MOSMO: variants seen among roughly 807,000 people sequenced by gnomAD.
MOSMO encodes modulator of smoothened protein.
Under a neutral mutation model 18.4 loss-of-function variants are expected in MOSMO, and 5 were observed. The observed-to-expected ratio is 0.27, with a 90% CI of 0.14 to 0.57. MOSMO has a LOEUF of 0.57. Ranked by LOEUF, MOSMO falls within the 20% of genes least tolerant of loss-of-function variation. The pLI is 0.92. For missense variants in MOSMO, 138 were observed against 211.8 expected, an observed-to-expected ratio of 0.65 and a Z score of 2.16; for synonymous variants, 82 against 82.3, an observed-to-expected ratio of 1.00 and a Z score of 0.02.
intron 1 of MOSMO, among the ~76,000 whole-genome samples, chr16:22,016,772 T>C (rs1899647274): frequency 6.6e-6 from 1 of 152,192 alleles, no homozygotes; most frequent in Non-Finnish European, 1.5e-5. Context: ...GAAAATTATA[T>C]CATTCAGACC....
chr16:22,030,913 A>G (rs969235786), intron 1 of MOSMO, among the ~76,000 whole-genome samples: 1 of 152,166 alleles, frequency 6.6e-6, no homozygotes, highest in Non-Finnish European at 1.5e-5. Context: ...AGTTTATCCC[A>G]TTTTTTGAAA....
At chr16:22,033,918 G>A (rs1900049480) in intron 1 of MOSMO, among the ~76,000 whole-genome samples, 1 of 152,130 alleles carries the variant, frequency 6.6e-6, no homozygotes, top group Admixed American at 6.5e-5. Flanking sequence ...ATAAAGTGTT[G>A]AATATCTCTT....
At chr16:22,039,829 C>A (rs1020340091) in intron 1 of MOSMO, among the ~76,000 whole-genome samples, 1 of 152,220 alleles carries the variant, frequency 6.6e-6, no homozygotes, top group South Asian at 2.1e-4. Flanking sequence ...CTCCCTCCTC[C>A]TATCTAATGC....
intron 1 of MOSMO, among the ~76,000 whole-genome samples, chr16:22,039,260 T>G (rs560233289): frequency 3.3e-5 from 5 of 152,220 alleles, no homozygotes; most frequent in African/African-American, 7.2e-5. Context: ...TAGCAGTTTT[T>G]AACATTATTT....
intron 1 of MOSMO, among the ~76,000 whole-genome samples, chr16:22,053,696 A>G (rs979736492): frequency 2.6e-5 from 4 of 152,148 alleles, no homozygotes. Context: ...CCAGCTACTC[A>G]GGAGGCTGAG....
chr16:22,023,517 C>T (rs1899806674), intron 1 of MOSMO, among the ~76,000 whole-genome samples: 1 of 151,984 alleles, frequency 6.6e-6, no homozygotes, highest in Non-Finnish European at 1.5e-5. Context: ...TATTTTTTGC[C>T]TCTGTAAGTT....
chr16:22,049,602 G>A (rs866208875), intron 1 of MOSMO, among the ~76,000 whole-genome samples: 2 of 152,176 alleles, frequency 1.3e-5, no homozygotes, highest in African/African-American at 4.8e-5. Flanking sequence ...ACCCCTTCAT[G>A]TGTATTGCAC....
intron 1 of MOSMO, among the ~76,000 whole-genome samples, chr16:22,008,717 T>G: frequency 7.0e-6 from 1 of 142,040 alleles, no homozygotes; most frequent in Admixed American, 7.0e-5. Context: ...ATGTGAGGGA[T>G]CGCAGAGGAA....
chr16:22,067,729 A>G (rs545829794), intron 1 of MOSMO, among the ~76,000 whole-genome samples: 1 of 152,220 alleles, frequency 6.6e-6, no homozygotes, highest in South Asian at 2.1e-4. Flanking sequence ...ATACAAAAAA[A>G]TTAGCTGGAC....
intron 1 of MOSMO, among the ~76,000 whole-genome samples, chr16:22,035,023 G>C (rs557279354): frequency 1.3e-5 from 2 of 151,896 alleles, no homozygotes; most frequent in Admixed American, 1.3e-4. Context: ...TGTGAGCCAC[G>C]GCGCCTGGCC....
chr16:22,026,215 CTTTT>C (rs1230886620), intron 1 of MOSMO, among the ~76,000 whole-genome samples: 4 of 122,112 alleles, frequency 3.3e-5, no homozygotes, highest in East Asian at 2.3e-4. Context: ...GAATTGCATT[CTTTT>C]TTTTTTTTTT....
At chr16:22,039,031 C>T (rs776380456) in intron 1 of MOSMO, among the ~76,000 whole-genome samples, 3 of 152,342 alleles carry the variant, frequency 2.0e-5, no homozygotes, top group Non-Finnish European at 4.4e-5. Flanking sequence ...CTCTCAGCTT[C>T]AGTTTCCTAA....
At chr16:22,060,457 GA>G (rs1402819647) in intron 1 of MOSMO, among the ~76,000 whole-genome samples, 5 of 152,204 alleles carry the variant, frequency 3.3e-5, no homozygotes, top group Non-Finnish European at 7.3e-5. Flanking sequence ...ACCACAGTAA[GA>G]GACCTCTACA....
intron 1 of MOSMO, among the ~76,000 whole-genome samples, chr16:22,070,110 T>C (rs1370183029): frequency 6.6e-6 from 1 of 152,110 alleles, no homozygotes; most frequent in African/African-American, 2.4e-5. Flanking sequence ...TTCTGAGAAA[T>C]AATAGAGACT....
downstream of MOSMO, among the ~76,000 whole-genome samples, chr16:22,088,310 G>A (rs1567518993): frequency 6.6e-6 from 1 of 152,180 alleles, no homozygotes; most frequent in Non-Finnish European, 1.5e-5. Flanking sequence ...ATGCCCTGTG[G>A]CTTTCTTTTT....
At chr16:22,022,436 T>C (rs1899784984) in intron 1 of MOSMO, among the ~76,000 whole-genome samples, 1 of 152,224 alleles carries the variant, frequency 6.6e-6, no homozygotes, top group Non-Finnish European at 1.5e-5. Flanking sequence ...AATGTTTATA[T>C]GCAGGTGCTG....
chr16:22,025,400 A>G (rs1899855832), intron 1 of MOSMO, among the ~76,000 whole-genome samples: 1 of 152,220 alleles, frequency 6.6e-6, no homozygotes, highest in Admixed American at 6.5e-5. Context: ...AGTTGTAGAT[A>G]TAAATGTTAC....
intron 1 of MOSMO, among the ~76,000 whole-genome samples, chr16:22,044,311 T>C (rs1265802728): frequency 6.6e-6 from 1 of 152,220 alleles, no homozygotes; most frequent in African/African-American, 2.4e-5. Flanking sequence ...GTGTTTGCAT[T>C]GTTGGCACAA....
chr16:22,035,294 G>A (rs1377715403), intron 1 of MOSMO, among the ~76,000 whole-genome samples: 1 of 152,116 alleles, frequency 6.6e-6, no homozygotes, highest in African/African-American at 2.4e-5. Flanking sequence ...TTCAGCTCCG[G>A]TGAAATAGTT....
Sources: gnomAD v4.1 joint callset for allele counts (sites outside exome capture counted in the v4.1 genomes callset) on GRCh38, gnomAD v4.1.1 for gene constraint, MANE v1.5 for transcripts, NCBI Gene and HGNC (gene_info 2026-07-23, HGNC 2026-07-21) for gene names.